NHS: variants seen among roughly 807,000 people sequenced by gnomAD.
The protein encoded by NHS is actin remodeling regulator NHS.
NHS carries 5 observed loss-of-function variants against 72.5 expected under a neutral mutation model. The ratio of observed to expected loss-of-function variants is 0.07; its 90% CI spans 0.04 to 0.14. The LOEUF (loss-of-function observed/expected upper bound fraction) is 0.14. Among genes scored for constraint, NHS ranks in the 10% least tolerant of loss-of-function variants. NHS has a pLI of 1.00. For synonymous variants in NHS, 464 were observed against 547.7 expected, an observed-to-expected ratio of 0.85 and a Z score of 2.13; for missense variants, 1,072 against 1,355.7, an observed-to-expected ratio of 0.79 and a Z score of 3.29.
intron 1 of NHS, among the ~76,000 whole-genome samples, chrX:17,522,298 C>T (rs1195338908): frequency 8.9e-6 from 1 of 112,422 alleles, no homozygotes; most frequent in Non-Finnish European, 1.9e-5. Flanking sequence ...CCAGAGCCGC[C>T]CCACTGACCT....
chrX:17,563,651 A>T (rs1013299868), intron 1 of NHS, among the ~76,000 whole-genome samples: 2 of 111,923 alleles, frequency 1.8e-5, no homozygotes, highest in African/African-American at 6.5e-5. Context: ...TTATATTTTA[A>T]CCACAAAAGC....
intron 1 of NHS, among the ~76,000 whole-genome samples, chrX:17,430,299 C>CTTTCTTTCTTTCTTTTCTTTCTT (rs2064685805): frequency 4.1e-5 from 3 of 73,828 alleles, no homozygotes; most frequent in African/African-American, 1.1e-4. Context: ...TTCTTTCTTT[C>CTTTCTTTCTTTCTTTTCTTTCTT]TTTCTTTCTT....
At chrX:17,571,662 C>T (rs1280343826) in intron 1 of NHS, among the ~76,000 whole-genome samples, 7 of 111,753 alleles carry the variant, frequency 6.3e-5, no homozygotes, top group African/African-American at 1.3e-4. Context: ...GTGTCTCTAT[C>T]TCCTTCAGTT....
At chrX:17,595,461 T>C (rs1359232773) in intron 1 of NHS, among the ~76,000 whole-genome samples, 1 of 112,231 alleles carries the variant, frequency 8.9e-6, no homozygotes, top group Non-Finnish European at 1.9e-5. Context: ...ATCTCCAGGT[T>C]TTATTTCTCC....
intron 1 of NHS, among the ~76,000 whole-genome samples, chrX:17,420,515 C>T (rs2064618241): frequency 9.0e-6 from 1 of 111,378 alleles, no homozygotes; most frequent in African/African-American, 3.3e-5. Context: ...CCCATCTACC[C>T]ATCTACTCAT....
intron 1 of NHS, among the ~76,000 whole-genome samples, chrX:17,679,865 G>T (rs766006751): frequency 5.8e-5 from 6 of 104,273 alleles, no homozygotes; most frequent in Admixed American, 1.0e-4. Context: ...AGAAAGGGGG[G>T]GGGGGTGTGC....
intron 1 of NHS, among the ~76,000 whole-genome samples, chrX:17,523,402 T>C (rs181329458): frequency 1.8e-5 from 2 of 112,075 alleles, no homozygotes; most frequent in Non-Finnish European, 3.8e-5. Flanking sequence ...GCCAGGGATG[T>C]CTTTCCAGGG....
At chrX:17,605,664 C>G (rs1168666881) in intron 1 of NHS, among the ~76,000 whole-genome samples, 1 of 111,119 alleles carries the variant, frequency 9.0e-6, no homozygotes, top group African/African-American at 3.3e-5. Flanking sequence ...CGCCATTCCT[C>G]TTAGTTTTCT....
intron 1 of NHS, among the ~76,000 whole-genome samples, chrX:17,625,009 T>C (rs1427575794): frequency 1.8e-5 from 2 of 112,328 alleles, no homozygotes; most frequent in African/African-American, 6.5e-5. Flanking sequence ...TATTAGAAAT[T>C]AAAACTGAGA....
chrX:17,719,978 T>TTC lies in NHS; in HGVS notation c.915+590_915+591dup, dbSNP rs761843999. ...TTTCTCTCTCTCTCTCTCAATCAGT[T>TTC]TCTCTCTCTCTCTCTCTCTGTATGC... On this transcript the variant is annotated intron_variant, in intron 4 of 8. Transcript: ENST00000676302. 6.8e-3 allele frequency among the ~76,000 whole-genome samples: 735 copies of TTC among 108,092 alleles called. 3 individuals are homozygous for TTC. Among genetic ancestry groups the TTC allele is most frequent in the African/African-American group, 0.014 (421 of 29,959 alleles). The allele number at this position is 108,092 out of a possible 115,157, so 93.9% of individuals were successfully genotyped here.
intron 1 of NHS, among the ~76,000 whole-genome samples, chrX:17,407,383 G>A (rs1414971520): frequency 9.0e-6 from 1 of 111,300 alleles, no homozygotes; most frequent in Non-Finnish European, 1.9e-5. Flanking sequence ...CAGTTTGGAT[G>A]GCATCTGTAC....
intron 1 of NHS, among the ~76,000 whole-genome samples, chrX:17,643,112 C>G (rs762643355): frequency 6.3e-5 from 7 of 111,925 alleles, no homozygotes; most frequent in Non-Finnish European, 1.1e-4. Context: ...ATCCTCATCA[C>G]AATCCTCTGA....
intron 1 of NHS, among the ~76,000 whole-genome samples, chrX:17,400,751 A>G (rs1216678960): frequency 1.8e-5 from 2 of 112,402 alleles, no homozygotes; most frequent in Non-Finnish European, 3.8e-5. Flanking sequence ...TTAAATAAAT[A>G]GAAAGACATC....
At chrX:17,690,181 G>A (rs2066187454) in intron 2 of NHS, among the ~76,000 whole-genome samples, 1 of 112,329 alleles carries the variant, frequency 8.9e-6, no homozygotes, top group Non-Finnish European at 1.9e-5. Flanking sequence ...TAGCCATCAT[G>A]GAATTAAAAA....
intron 1 of NHS, among the ~76,000 whole-genome samples, chrX:17,592,878 A>G (rs2065609255): frequency 9.0e-6 from 1 of 111,379 alleles, no homozygotes; most frequent in Admixed American, 9.5e-5. Context: ...TGGGCCCTAG[A>G]TGGTTGTTAC....
chrX:17,579,631 G>C (rs1364181970), intron 1 of NHS, among the ~76,000 whole-genome samples: 2 of 111,376 alleles, frequency 1.8e-5, no homozygotes, highest in African/African-American at 6.5e-5. Context: ...CTTTACGCAG[G>C]CATAGCGGAT....
intron 1 of NHS, among the ~76,000 whole-genome samples, chrX:17,632,878 C>T (rs1240467310): frequency 8.9e-6 from 1 of 111,829 alleles, no homozygotes; most frequent in Non-Finnish European, 1.9e-5. Flanking sequence ...AAATGCTATT[C>T]CTTATTAGGC....
chrX:17,547,992 A>G (rs1401483043), intron 1 of NHS, among the ~76,000 whole-genome samples: 2 of 112,106 alleles, frequency 1.8e-5, no homozygotes, highest in Non-Finnish European at 3.8e-5. Flanking sequence ...GGAGAGGACA[A>G]GCCTGGAAGC....
intron 1 of NHS, among the ~76,000 whole-genome samples, chrX:17,678,426 C>T (rs972486554): frequency 1.8e-5 from 2 of 111,305 alleles, no homozygotes; most frequent in African/African-American, 6.5e-5. Context: ...GTACAGGAAG[C>T]GTGGCAGCAT....
Sources: allele counts gnomAD v4.1 joint callset (sites outside exome capture counted in the v4.1 genomes callset), GRCh38; gene constraint gnomAD v4.1.1; transcripts MANE v1.5; gene names NCBI Gene and HGNC (gene_info 2026-07-23, HGNC 2026-07-21).